The following DLG2 variants were observed in gnomAD, a reference collection of about 807,000 sequenced individuals.
DLG2 encodes the protein disks large homolog 2.
Under a neutral mutation model 132.5 loss-of-function variants are expected in DLG2, and 45 were observed. The observed-to-expected ratio is 0.34, with a 90% CI of 0.27 to 0.44. DLG2 has a LOEUF of 0.44. Ranked by LOEUF, DLG2 falls within the 20% of genes least tolerant of loss-of-function variation. The pLI is 1.00. For synonymous variants in DLG2, 424 were observed against 419.6 expected, an observed-to-expected ratio of 1.01 and a Z score of -0.13; for missense variants, 1,045 against 1,196.9, an observed-to-expected ratio of 0.87 and a Z score of 1.87.
At chr11:84,110,342 C>T (rs1271708118) in intron 9 of DLG2, among the ~76,000 whole-genome samples, 1 of 152,092 alleles carries the variant, frequency 6.6e-6, no homozygotes, top group Non-Finnish European at 1.5e-5. Flanking sequence ...TTGTCTTACC[C>T]TCCCCACACC....
chr11:83,806,167 C>T (rs1402878672), intron 17 of DLG2, among the ~76,000 whole-genome samples: 1 of 152,068 alleles, frequency 6.6e-6, no homozygotes, highest in African/African-American at 2.4e-5. Context: ...CATGATGGTC[C>T]GTGACACTTA....
At chr11:84,827,496 G>C (rs1173357988) in intron 6 of DLG2, among the ~76,000 whole-genome samples, 2 of 151,534 alleles carry the variant, frequency 1.3e-5, no homozygotes, top group Non-Finnish European at 2.9e-5. Flanking sequence ...GGATAATATT[G>C]ATTGATCAAA....
intron 9 of DLG2, among the ~76,000 whole-genome samples, chr11:84,130,349 A>T (rs1836726368): frequency 6.6e-6 from 1 of 151,980 alleles, no homozygotes; most frequent in South Asian, 2.1e-4. Flanking sequence ...TCACACCTTC[A>T]CCAACACCTA....
intron 22 of DLG2, among the ~76,000 whole-genome samples, chr11:83,473,071 C>T (rs1354074498): frequency 6.6e-5 from 10 of 152,116 alleles, no homozygotes; most frequent in African/African-American, 2.2e-4. Context: ...ATGGCCTCTA[C>T]ACCAAGCATT....
chr11:84,426,666 G>A (rs1327098684), intron 7 of DLG2, among the ~76,000 whole-genome samples: 1 of 152,082 alleles, frequency 6.6e-6, no homozygotes, highest in Non-Finnish European at 1.5e-5. Flanking sequence ...GAACTTCAAT[G>A]TAACATTGCA....
intron 8 of DLG2, among the ~76,000 whole-genome samples, chr11:84,183,803 C>T (rs1189867008): frequency 2.0e-5 from 3 of 152,084 alleles, no homozygotes; most frequent in Non-Finnish European, 1.5e-5. Flanking sequence ...TCAATTCCCA[C>T]CTATGAATGA....
chr11:84,718,795 T>A (rs2061490648), intron 6 of DLG2, among the ~76,000 whole-genome samples: 1 of 152,176 alleles, frequency 6.6e-6, no homozygotes, highest in Non-Finnish European at 1.5e-5. Flanking sequence ...TCCTTAGTTA[T>A]TGGTGCTATT....
At chr11:83,557,680 G>A (rs2096543345) in intron 19 of DLG2, among the ~76,000 whole-genome samples, 2 of 152,202 alleles carry the variant, frequency 1.3e-5, no homozygotes, top group Admixed American at 1.3e-4. Context: ...GCAATTGGCA[G>A]TGAAATAATT....
chr11:83,655,046 G>A (rs986578037), intron 18 of DLG2, among the ~76,000 whole-genome samples: 1 of 152,184 alleles, frequency 6.6e-6, no homozygotes, highest in African/African-American at 2.4e-5. Context: ...TGAAGTAGAC[G>A]CTTAATAAAT....
intron 6 of DLG2, among the ~76,000 whole-genome samples, chr11:84,611,514 G>A (rs921405971): frequency 6.6e-6 from 1 of 152,082 alleles, no homozygotes; most frequent in African/African-American, 2.4e-5. Flanking sequence ...ATCATTATTA[G>A]TCTCCTGCCT....
At chr11:85,438,446 T>C (rs2091605523) in intron 3 of DLG2, among the ~76,000 whole-genome samples, 1 of 152,228 alleles carries the variant, frequency 6.6e-6, no homozygotes, top group South Asian at 2.1e-4. Context: ...TTAAGATAAT[T>C]ATAGACTTAC....
At chr11:84,456,704 T>C (rs2099066331) in intron 7 of DLG2, among the ~76,000 whole-genome samples, 1 of 151,390 alleles carries the variant, frequency 6.6e-6, no homozygotes, top group Admixed American at 6.6e-5. Context: ...CTCTTATTTT[T>C]AAACATTGCA....
intron 11 of DLG2, 57 bp downstream of exon 11, chr11:84,059,257 TA>T: frequency 6.5e-7 from 1 of 1,549,822 alleles, no homozygotes; most frequent in East Asian, 2.3e-5. Context: ...TATCGTGGCA[TA>T]AACTTCAGTC....
intron 21 of DLG2, among the ~76,000 whole-genome samples, chr11:83,523,505 G>A (rs937597763): frequency 6.6e-6 from 1 of 152,196 alleles, no homozygotes; most frequent in South Asian, 2.1e-4. Flanking sequence ...GTAATGCAGG[G>A]CCCAGCTCTG....
chr11:84,590,191 G>C (rs572149365), intron 6 of DLG2, among the ~76,000 whole-genome samples: 2 of 152,294 alleles, frequency 1.3e-5, no homozygotes, highest in Non-Finnish European at 2.9e-5. Context: ...ATAGTAATTA[G>C]TGTGTAATGA....
At chr11:84,654,137 G>C (rs2099685365) in intron 6 of DLG2, among the ~76,000 whole-genome samples, 1 of 152,092 alleles carries the variant, frequency 6.6e-6, no homozygotes, top group Non-Finnish European at 1.5e-5. Context: ...AGATCCAAAA[G>C]CTTTCTTCTC....
intron 3 of DLG2, among the ~76,000 whole-genome samples, chr11:85,495,629 C>T (rs931655248): frequency 2.0e-5 from 3 of 152,094 alleles, no homozygotes; most frequent in Admixed American, 2.0e-4. Flanking sequence ...ACTCAGGAAA[C>T]AACAGATGCT....
At chr11:83,506,513 G>A (rs982597774) in intron 21 of DLG2, among the ~76,000 whole-genome samples, 2 of 152,146 alleles carry the variant, frequency 1.3e-5, no homozygotes, top group East Asian at 1.9e-4. Context: ...AGGTCTAGAC[G>A]CAAATAGGGG....
chr11:83,789,484 T>A (rs568152972), intron 17 of DLG2, among the ~76,000 whole-genome samples: 1 of 152,288 alleles, frequency 6.6e-6, no homozygotes, highest in African/African-American at 2.4e-5. Context: ...GACTTCCCTT[T>A]TTAAATAACC....
Sources: gnomAD v4.1 joint callset for allele counts (sites outside exome capture counted in the v4.1 genomes callset) on GRCh38, gnomAD v4.1.1 for gene constraint, MANE v1.5 for transcripts, NCBI Gene and HGNC (gene_info 2026-07-23, HGNC 2026-07-21) for gene names.